SPG21: variants seen among roughly 807,000 people sequenced by gnomAD.
The protein encoded by SPG21 is maspardin.
Under a neutral mutation model 38.9 loss-of-function variants are expected in SPG21, and 26 were observed. That is an observed-to-expected ratio of 0.67 (90% confidence interval 0.49 to 0.93). The LOEUF (loss-of-function observed/expected upper bound fraction) is 0.93, where lower values mean the gene tolerates loss of function less well. SPG21 is among the 40% of genes least tolerant of loss of function. The pLI is 0.00. For synonymous variants in SPG21, 136 were observed against 128.9 expected (o/e 1.05, Z -0.37); for missense variants, 333 against 376.5 (o/e 0.88, Z 0.96).
chr15:64,969,143 C>A (rs1179892025), intron 7 of SPG21, 112 bp downstream of exon 7: 5 of 774,444 alleles, frequency 6.5e-6, no homozygotes, highest in Admixed American at 6.4e-5. Flanking sequence ...AAAACAAAAG[C>A]CAAGGCAGCA....
rs2085739851 is a variant in SPG21 at position 64,974,625 on chromosome 15, G to A, written c.429C>T (p.Phe143=). Residue 143 remains phenylalanine, a synonymous_variant, in exon 5 of 9, where the codon TTC becomes TTT. Transcript: ENST00000204566. The stretch of plus-strand genomic sequence containing the variant: ...ACCTGTTTGCAGTCCAAGTTTGGTT[G>A]AAGATAGAGGTGTCACTGAAGGAAT... The part of the protein sequence containing the change: ...LCNSFSDTSI[F]NQTWTANSFW... 2 of 1,614,198 alleles carry A rather than the reference G, an allele frequency of 1.2e-6. No individual in the cohort carries two copies. The highest frequency in any genetic ancestry group is 1.7e-6 in the Non-Finnish European group (2 of 1,180,042).
intron 5 of SPG21, among the ~76,000 whole-genome samples, chr15:64,972,434 A>G (rs1298546223): frequency 6.6e-6 from 1 of 152,226 alleles, no homozygotes; most frequent in African/African-American, 2.4e-5. Context: ...AAAAATAATG[A>G]GCATTATTTA....
chr15:64,987,911 G>A (rs902763278), intron 1 of SPG21, among the ~76,000 whole-genome samples: 1 of 152,224 alleles, frequency 6.6e-6, no homozygotes, highest in East Asian at 1.9e-4. Flanking sequence ...GCACATGCCT[G>A]TAATCCCAGC....
intron 2 of SPG21, chr15:64,983,110 T>G (rs1361733864): frequency 3.6e-6 from 1 of 275,748 alleles, no homozygotes; most frequent in Admixed American, 4.1e-5. Context: ...ATACAAAAAT[T>G]AGCTGAGTGT....
At chr15:64,968,340 CAAA>C (rs11305475) in intron 7 of SPG21, among the ~76,000 whole-genome samples, 3 of 109,692 alleles carry the variant, frequency 2.7e-5, no homozygotes, top group African/African-American at 3.6e-5. Flanking sequence ...ACCCTGTTTC[CAAA>C]AAAAAAAAAA....
chr15:64,981,286 CTCCT>C lies in SPG21; in HGVS notation c.64-265_64-262del. On this transcript the variant is annotated intron_variant, in intron 2 of 8. Coordinates refer to ENST00000204566, the MANE Select transcript of SPG21 (RefSeq NM_016630.7). ...GCTGCTTCTCTGTTTCTTCCCCCTCCTCCTTTTTTTTTTTTTTTTTTGAGACAGA... is the reference window on the plus strand; with the variant it reads ...GCTGCTTCTCTGTTTCTTCCCCCTCCTTTTTTTTTTTTTTTTTGAGACAGA... The C allele has an allele frequency of 2.3e-5, 9 of 399,334 alleles. No individual in the cohort carries two copies. In the South Asian group the frequency reaches 2.3e-4, roughly 10 times the overall value. The allele number at this position is 399,334 out of a possible 1,614,324, so 24.7% of individuals were successfully genotyped here.
chr15:64,971,657 G>A (rs1270041508), intron 5 of SPG21, among the ~76,000 whole-genome samples: 1 of 151,930 alleles, frequency 6.6e-6, no homozygotes, highest in East Asian at 1.9e-4. Context: ...CCAAGATGGT[G>A]AAACCCCGTC....
intron 2 of SPG21, 106 bp downstream of exon 2, chr15:64,983,401 C>A: frequency 2.5e-6 from 2 of 793,936 alleles, no homozygotes; most frequent in South Asian, 1.5e-5. Flanking sequence ...TCATGATACT[C>A]GGCAGTAACC....
intron 5 of SPG21, among the ~76,000 whole-genome samples, chr15:64,974,113 G>T (rs1471232852): frequency 6.6e-6 from 1 of 152,124 alleles, no homozygotes; most frequent in Non-Finnish European, 1.5e-5. Context: ...AATAAAAAAA[G>T]CTGAATTTAG....
chr15:64,967,635 G>A (rs1362913500), intron 7 of SPG21, among the ~76,000 whole-genome samples: 5 of 152,024 alleles, frequency 3.3e-5, no homozygotes, highest in Admixed American at 2.0e-4. Flanking sequence ...CACCATGCCC[G>A]GCTAATTTTT....
chr15:64,968,824 C>G (rs2085601906), intron 7 of SPG21, among the ~76,000 whole-genome samples: 1 of 152,136 alleles, frequency 6.6e-6, no homozygotes, highest in South Asian at 2.1e-4. Flanking sequence ...ATATATGGTG[C>G]AATATCTATT....
At chr15:64,973,559 C>T (rs974753349) in intron 5 of SPG21, among the ~76,000 whole-genome samples, 9 of 152,096 alleles carry the variant, frequency 5.9e-5, no homozygotes, top group Non-Finnish European at 1.2e-4. Flanking sequence ...TCAAGTGATT[C>T]TCCTGCCTCA....
intron 7 of SPG21, among the ~76,000 whole-genome samples, chr15:64,965,771 G>A (rs1387528831): frequency 1.3e-5 from 2 of 148,866 alleles, no homozygotes; most frequent in Non-Finnish European, 3.0e-5. Context: ...GTGTGATCTC[G>A]GCTCACTGCA....
intron 1 of SPG21, among the ~76,000 whole-genome samples, chr15:64,984,500 C>T (rs1030038524): frequency 3.3e-5 from 5 of 152,030 alleles, no homozygotes; most frequent in African/African-American, 1.2e-4. Flanking sequence ...ACAATGGGCA[C>T]ACACCACCAC....
intron 8 of SPG21, 44 bp from the exon 9 acceptor site, chr15:64,963,780 G>A: frequency 1.3e-6 from 2 of 1,567,462 alleles, no homozygotes. Context: ...TTTTGAGCTG[G>A]AGTGTCACTC....
intron 7 of SPG21, among the ~76,000 whole-genome samples, chr15:64,966,880 CTGAG>C (rs1566923828): frequency 1.4e-5 from 2 of 145,754 alleles, no homozygotes; most frequent in South Asian, 2.3e-4. Flanking sequence ...GCCTAGGCAA[CTGAG>C]TGAGACTTTG....
rs190869093 is a variant in SPG21 at position 64,966,921 on chromosome 15, A to G, written c.670-1461T>C. ...CTCAAAAAAACAAAAACAAAAACAAAAACAAAAAACCATATTATTTGAATT... is the reference window on the plus strand; with the variant it reads ...CTCAAAAAAACAAAAACAAAAACAAGAACAAAAAACCATATTATTTGAATT... On this transcript the variant is annotated intron_variant, in intron 7 of 8. Transcript: ENST00000204566. 5.0e-3 allele frequency among the ~76,000 whole-genome samples: 763 copies of G among 151,170 alleles called. 11 individuals are homozygous for G. Among genetic ancestry groups the G allele is most frequent in the African/African-American group, 0.018 (732 of 40,716 alleles).
In SPG21 at chr15:64,963,754, C is replaced by G. The variant is rs775723087; in HGVS notation, c.811-18G>C. ...AAATGTATCTGTTGAAATGCAGAAT[C>G]ATTATTTTATTTATTTTTTGAGCTG... is the stretch of plus-strand genomic sequence containing the variant. On this transcript the variant is annotated intron_variant, in intron 8 of 8. Coordinates refer to ENST00000204566, the MANE Select transcript of SPG21 (RefSeq NM_016630.7). 1.7e-5 allele frequency: 27 copies of G among 1,604,898 alleles called. No homozygotes were observed. The highest frequency in any genetic ancestry group is 2.3e-5 in the Non-Finnish European group (27 of 1,172,152).
intron 1 of SPG21, among the ~76,000 whole-genome samples, chr15:64,986,714 A>G (rs2086001030): frequency 7.2e-6 from 1 of 138,654 alleles, no homozygotes; most frequent in Non-Finnish European, 1.6e-5. Flanking sequence ...ACAAAACAAA[A>G]AACAAAAAAA....
Sources: allele counts gnomAD v4.1 joint callset (sites outside exome capture counted in the v4.1 genomes callset), GRCh38; gene constraint gnomAD v4.1.1; transcripts MANE v1.5; gene names NCBI Gene and HGNC (gene_info 2026-07-23, HGNC 2026-07-21).